FNBP1L: variants seen among roughly 807,000 people sequenced by gnomAD.
The protein encoded by FNBP1L is formin binding protein 1 like.
Under a neutral mutation model 91.2 loss-of-function variants are expected in FNBP1L, and 36 were observed. That is an observed-to-expected ratio of 0.39 (90% CI 0.30 to 0.52). The LOEUF (loss-of-function observed/expected upper bound fraction) is 0.52, where lower values mean the gene tolerates loss of function less well. Ranked by LOEUF, FNBP1L falls within the 20% of genes least tolerant of loss-of-function variation. The pLI, the probability that FNBP1L is intolerant of heterozygous loss-of-function variation, is 0.66. For missense variants in FNBP1L, 571 were observed against 732.1 expected (o/e 0.78, Z 2.54); for synonymous variants, 242 against 237.0 (o/e 1.02, Z -0.19).
At chr1:93,506,604 C>T (rs1324948898) in intron 2 of FNBP1L, among the ~76,000 whole-genome samples, 1 of 152,010 alleles carries the variant, frequency 6.6e-6, no homozygotes, top group African/African-American at 2.4e-5. Flanking sequence ...ATTTATATTC[C>T]ATTTTATAAA....
At chr1:93,478,937 A>G (rs896010178) in intron 1 of FNBP1L, among the ~76,000 whole-genome samples, 1 of 152,256 alleles carries the variant, frequency 6.6e-6, no homozygotes, top group Non-Finnish European at 1.5e-5. Flanking sequence ...GATTTGACAC[A>G]TCCTGAGGTT....
chr1:93,455,556 A>G (rs1327092665), intron 1 of FNBP1L, among the ~76,000 whole-genome samples: 3 of 152,168 alleles, frequency 2.0e-5, no homozygotes, highest in Middle Eastern at 3.2e-3. Context: ...GTGGACAACT[A>G]TATTTTTACT....
intron 1 of FNBP1L, among the ~76,000 whole-genome samples, chr1:93,453,539 T>A (rs1319831816): frequency 1.3e-5 from 2 of 152,122 alleles, no homozygotes; most frequent in Non-Finnish European, 2.9e-5. Context: ...AGAGAGGAAA[T>A]AGTAAGAGAA....
At chr1:93,483,036 AAAAAC>A (rs2101709715) in intron 1 of FNBP1L, among the ~76,000 whole-genome samples, 1 of 151,154 alleles carries the variant, frequency 6.6e-6, no homozygotes, top group Admixed American at 6.6e-5. Context: ...AAAAAAAACA[AAAAAC>A]AAAAAGTAGC....
chr1:93,507,454 G>A (rs1010940523), intron 2 of FNBP1L, among the ~76,000 whole-genome samples: 2 of 152,068 alleles, frequency 1.3e-5, no homozygotes, highest in African/African-American at 4.8e-5. Context: ...TGAATGCTTT[G>A]CACTTACCTA....
At chr1:93,462,376 A>G (rs867292833) in intron 1 of FNBP1L, among the ~76,000 whole-genome samples, 2 of 152,254 alleles carry the variant, frequency 1.3e-5, no homozygotes, top group South Asian at 2.1e-4. Context: ...AGTTTCTCCT[A>G]TTATTAACAT....
chr1:93,528,371 C>T (rs1383395877), intron 5 of FNBP1L, among the ~76,000 whole-genome samples: 1 of 152,118 alleles, frequency 6.6e-6, no homozygotes, highest in Non-Finnish European at 1.5e-5. Flanking sequence ...ATGGAATAGA[C>T]AGGATAGTTA....
At chr1:93,499,674 C>G (rs1003847498) in intron 2 of FNBP1L, 91 bp downstream of exon 2, 1 of 746,792 alleles carries the variant, frequency 1.3e-6, no homozygotes. Flanking sequence ...AGGTTAAATT[C>G]TATGTTTTTC....
intron 2 of FNBP1L, among the ~76,000 whole-genome samples, chr1:93,509,829 C>T (rs528090240): frequency 2.4e-3 from 367 of 152,330 alleles, no homozygotes; most frequent in South Asian, 8.3e-3. Flanking sequence ...GTTCCCTTTC[C>T]TAGTCAAAGA....
In FNBP1L at chr1:93,468,682, C is replaced by T. The variant is rs554388616; in HGVS notation, c.24+20377C>T. On this transcript the variant is annotated intron_variant, in intron 1 of 16. Coordinates refer to ENST00000271234, the MANE Select transcript of FNBP1L (RefSeq NM_001164473.3). Reference sequence around the variant, plus strand: ...CTGGGCTCAAGCAGTCTGCCTGCCTCGGCCTCTCAAAGTGCTAGGATTACA... The same window carrying T: ...CTGGGCTCAAGCAGTCTGCCTGCCTTGGCCTCTCAAAGTGCTAGGATTACA... Among the ~76,000 whole-genome samples, 3 of 152,266 alleles carry T rather than the reference C, an allele frequency of 2.0e-5. No individual in the cohort carries two copies. The South Asian group carries it at 6.2e-4, about 32-fold the overall frequency.
rs148176787 is a variant in FNBP1L, at chr1:93,498,058, T to C, written c.25-1410T>C. ...GTGATTTCATAACTACGTAATTCAATAGTATATCATTTAATATATAAATAA... is the reference window on the plus strand; with the variant it reads ...GTGATTTCATAACTACGTAATTCAACAGTATATCATTTAATATATAAATAA... On this transcript the variant is annotated intron_variant, in intron 1 of 16. Transcript: ENST00000271234. Among the ~76,000 whole-genome samples, 288 of 152,282 alleles carry C rather than the reference T, an allele frequency of 1.9e-3. 2 individuals carry two copies. Among genetic ancestry groups the C allele is most frequent in the African/African-American group, 6.7e-3 (278 of 41,572 alleles).
chr1:93,532,940 G>T lies in FNBP1L; in HGVS notation c.658G>T (p.Glu220Ter). Residue 220 changes from glutamate to a stop codon, truncating the protein, a stop_gained, in exon 8 of 17, where the codon GAA becomes TAA. Transcript: ENST00000271234. LOFTEE classifies it high-confidence loss of function. ...TTATTAGCAACTACAAGAAATGGAC[G>T]AACGAAGGACTATTAAACTCAGTGA... is the stretch of plus-strand genomic sequence containing the variant. ...QIYKQLQEMD[E>*]RRTIKLSECY... is the part of the protein sequence containing the mutation. The T allele has an allele frequency of 6.3e-7, 1 of 1,599,898 alleles. No homozygotes were observed. The highest frequency in any genetic ancestry group is 8.5e-7 in the Non-Finnish European group (1 of 1,172,574).
In FNBP1L at chr1:93,466,925, T is replaced by C. The variant is rs376413636; in HGVS notation, c.24+18620T>C. ...CAGACTGCAATGCAGTGGTGCAATC[T>C]TGCTCACTGTAACCTCCGCCTCCCA... On this transcript the variant is annotated intron_variant, in intron 1 of 16. Transcript: ENST00000271234. 3.9e-5 allele frequency among the ~76,000 whole-genome samples: 6 copies of C among 152,310 alleles called. No individual in the cohort carries two copies. In the South Asian group the frequency reaches 6.2e-4, roughly 16 times the overall value.
intron 12 of FNBP1L, among the ~76,000 whole-genome samples, chr1:93,546,171 A>C (rs557109352): frequency 1.3e-5 from 2 of 152,122 alleles, no homozygotes; most frequent in African/African-American, 2.4e-5. Flanking sequence ...AAGGAGAAAG[A>C]AGGCAGTGAG....
rs562798112 is a variant in FNBP1L at position 93,531,619 on chromosome 1, T to G, written c.639+736T>G. On this transcript the variant is annotated intron_variant, in intron 7 of 16. Coordinates refer to ENST00000271234, the MANE Select transcript of FNBP1L (RefSeq NM_001164473.3). ...AATACAAAGAAAGCACAGTGAGAGA[T>G]AATGAACTGGAGTGGGGACCAGAAT... is the stretch of plus-strand genomic sequence containing the variant. Among the ~76,000 whole-genome samples the G allele has an allele frequency of 1.2e-3, 189 of 152,282 alleles. 1 individual carries two copies. The highest frequency in any genetic ancestry group is 4.4e-3 in the African/African-American group (181 of 41,552).
At chr1:93,507,143 TCTC>T (rs1670664210) in intron 2 of FNBP1L, among the ~76,000 whole-genome samples, 64 of 140,650 alleles carry the variant, frequency 4.6e-4, no homozygotes, top group African/African-American at 6.8e-4. Context: ...TCTCTCTCTC[TCTC>T]TCTCTTTCTC....
intron 2 of FNBP1L, 83 bp from the exon 3 acceptor site, chr1:93,521,999 G>T: frequency 1.3e-6 from 1 of 755,790 alleles, no homozygotes; most frequent in South Asian, 2.5e-5. Flanking sequence ...ATTCATGATT[G>T]AATGAAATTG....
At chr1:93,518,198 G>T (rs1020248087) in intron 2 of FNBP1L, among the ~76,000 whole-genome samples, 8 of 152,076 alleles carry the variant, frequency 5.3e-5, no homozygotes, top group Non-Finnish European at 1.2e-4. Context: ...TATAGTGTCA[G>T]TTAAGAAGCA....
chr1:93,506,662 A>C (rs1371919207), intron 2 of FNBP1L, among the ~76,000 whole-genome samples: 2 of 152,182 alleles, frequency 1.3e-5, no homozygotes, highest in Non-Finnish European at 2.9e-5. Flanking sequence ...CAGCCTCTCA[A>C]ATATTGAAAG....
Sources: gnomAD v4.1 joint callset for allele counts (sites outside exome capture counted in the v4.1 genomes callset) on GRCh38, gnomAD v4.1.1 for gene constraint, MANE v1.5 for transcripts, NCBI Gene and HGNC (gene_info 2026-07-23, HGNC 2026-07-21) for gene names.